The following NUP155 variants were observed in gnomAD, a reference collection of about 807,000 sequenced individuals.
NUP155 encodes the protein nucleoporin 155, also known as nuclear pore complex protein Nup155.
A neutral mutation model predicts 180.4 loss-of-function variants in NUP155; 71 were observed. The ratio of observed to expected loss-of-function variants is 0.39; its 90% CI spans 0.33 to 0.48. The LOEUF is 0.48. NUP155 is among the 20% of genes least tolerant of loss of function. The probability of loss-of-function intolerance (pLI) is 0.91; values close to 1 mark genes in which losing one functional copy is unlikely to be tolerated. For missense variants in NUP155, 1,553 were observed against 1,648.9 expected, an observed-to-expected ratio of 0.94 and a Z score of 1.01; for synonymous variants, 582 against 559.5, an observed-to-expected ratio of 1.04 and a Z score of -0.57.
At position 37,322,406 on chromosome 5, in the gene NUP155, G is replaced by A. The variant is rs1295040257; in HGVS notation, c.2207+1586C>T. Among the ~76,000 whole-genome samples, 3 of 152,220 alleles carry A rather than the reference G, an allele frequency of 2.0e-5. 1 individual carries two copies. Among genetic ancestry groups the A allele is most frequent in the South Asian group, 4.2e-4 (2 of 4,816 alleles). On this transcript the variant is annotated intron_variant, in intron 20 of 34. Transcript: ENST00000231498. Reference sequence around the variant, plus strand: ...ACAAAAAGTCCGTATTATATTAGAGGCTTAAAAATATCCATTCTTGGCTGG... The same window carrying A: ...ACAAAAAGTCCGTATTATATTAGAGACTTAAAAATATCCATTCTTGGCTGG...
Position 37,303,210 on chromosome 5 carries a change from A to C in NUP155, c.3317+50T>G, listed in dbSNP as rs939232984. The C allele has an allele frequency of 5.6e-6, 9 of 1,594,706 alleles. No individual in the cohort carries two copies. The African/African-American group carries it at 1.1e-4, about 19-fold the overall frequency. The stretch of plus-strand genomic sequence containing the variant: ...ATTAAAGAAAACTGAATGTAAGTAC[A>C]TATAGCTCAGTTTTGAATCATTCTT... On this transcript the variant is annotated intron_variant, in intron 28 of 34. Transcript: ENST00000231498.
At chr5:37,336,654 T>C (rs926928117) in intron 12 of NUP155, among the ~76,000 whole-genome samples, 8 of 152,146 alleles carry the variant, frequency 5.3e-5, no homozygotes, top group African/African-American at 9.7e-5. Flanking sequence ...TTATATCTTA[T>C]TAAGTTCTGA....
Position 37,342,638 on chromosome 5 carries a change from T to A in NUP155, c.1004A>T (p.Asp335Val). Reference sequence around the variant, plus strand: ...GACAATTGGTTTAAAAACAGAACGATCGATGGTCCTAAAAGAAAGGAGAAA... The same window carrying A: ...GACAATTGGTTTAAAAACAGAACGAACGATGGTCCTAAAAGAAAGGAGAAA... ...SAAGNIARTIDRSVFKPIVQI... is the reference protein window; with the variant it reads ...SAAGNIARTIVRSVFKPIVQI... The change falls in exon 10 of 35, where the codon GAT becomes GTT. Residue 335 changes from aspartate to valine, a missense_variant. Coordinates refer to ENST00000231498, the MANE Select transcript of NUP155 (RefSeq NM_153485.3). 6.2e-7 allele frequency: 1 copy of A among 1,601,310 alleles called. No individual in the cohort carries two copies. Among genetic ancestry groups the A allele is most frequent in the Non-Finnish European group, 8.6e-7 (1 of 1,168,526 alleles).
At chr5:37,294,169 T>C (rs1415053841) in intron 33 of NUP155, among the ~76,000 whole-genome samples, 160 bp downstream of exon 33, 2 of 152,100 alleles carry the variant, frequency 1.3e-5, no homozygotes, top group African/African-American at 4.8e-5. Flanking sequence ...CAACTCTCAT[T>C]ATCAGTTTAA....
chr5:37,367,047 C>CT (rs113667703), intron 1 of NUP155, among the ~76,000 whole-genome samples: 4,144 of 144,092 alleles, frequency 0.029, 151 homozygotes, highest in African/African-American at 0.088. Flanking sequence ...CTCTTTTTCT[C>CT]TTTTTTTTTT....
At chr5:37,345,565 A>G (rs975429309) in intron 9 of NUP155, among the ~76,000 whole-genome samples, 4 of 151,376 alleles carry the variant, frequency 2.6e-5, no homozygotes, top group Non-Finnish European at 4.4e-5. Flanking sequence ...CAAATGGCTC[A>G]TAAGACAGGC....
At chr5:37,368,098 G>C (rs1484909896) in intron 1 of NUP155, among the ~76,000 whole-genome samples, 1 of 151,822 alleles carries the variant, frequency 6.6e-6, no homozygotes, top group East Asian at 1.9e-4. Context: ...GTAGAGACAG[G>C]GTTTTGCCAT....
chr5:37,326,008 T>C (rs373536783), intron 18 of NUP155, 41 bp from the exon 19 acceptor site: 35 of 1,300,040 alleles, frequency 2.7e-5, no homozygotes, highest in Non-Finnish European at 5.5e-6. Flanking sequence ...TGTAAATGAA[T>C]AAAAACAATT....
rs530524699 is a variant in NUP155, at chr5:37,338,317, CAAA to C, written c.1247-402_1247-400del. Among the ~76,000 whole-genome samples the C allele has an allele frequency of 7.7e-5, 5 of 65,062 alleles. No homozygotes were observed. In the South Asian group the frequency reaches 2.1e-3, roughly 28 times the overall value. The allele number at this position is 65,062 out of a possible 152,430, so 42.7% of individuals were successfully genotyped here. A position where few individuals can be genotyped will look rare whatever the true frequency, so the allele number is the denominator to read the frequency against. On this transcript the variant is annotated intron_variant, in intron 11 of 34. Transcript: ENST00000231498. ...TGGGCGCCAGAGCAAGATTCCGTCT[CAAA>C]AAAAAAAAAAAAAAAAATTTTACAA...
intron 7 of NUP155, among the ~76,000 whole-genome samples, 199 bp downstream of exon 7, chr5:37,349,961 A>G (rs1241806682): frequency 1.3e-5 from 2 of 152,210 alleles, no homozygotes; most frequent in African/African-American, 2.4e-5. Flanking sequence ...TATAGGAAAT[A>G]AGTAAACTTG....
Position 37,349,055 on chromosome 5 carries a change from A to T in NUP155, c.903+117T>A, listed in dbSNP as rs1208322096. 25 of 340,546 alleles carry T rather than the reference A, an allele frequency of 7.3e-5. No individual in the cohort carries two copies. The East Asian group carries it at 1.5e-3, about 20-fold the overall frequency. The allele number at this position is 340,546 out of a possible 1,614,324, so 21.1% of individuals were successfully genotyped here. A position where few individuals can be genotyped will look rare whatever the true frequency, so the allele number is the denominator to read the frequency against. ...ACAGGCTTGAGCCACCATGCCCAGC[A>T]GGCTTTTTTTTTTTTTAGTTACACA... On this transcript the variant is annotated intron_variant, in intron 8 of 34. Coordinates refer to ENST00000231498, the MANE Select transcript of NUP155 (RefSeq NM_153485.3).
intron 32 of NUP155, among the ~76,000 whole-genome samples, chr5:37,294,676 CT>C (rs1285519415): frequency 2.0e-5 from 3 of 152,014 alleles, no homozygotes. Context: ...CCTTGAAATC[CT>C]GAGCTCAATC....
chr5:37,299,137 C>T (rs1408999824), intron 31 of NUP155, among the ~76,000 whole-genome samples, 159 bp from the exon 32 acceptor site: 1 of 152,184 alleles, frequency 6.6e-6, no homozygotes. Context: ...GTCTGAGATA[C>T]TCTCATGTCT....
In NUP155 at chr5:37,363,854, T is replaced by A. The variant is rs1747373898; in HGVS notation, c.392+34A>T. On this transcript the variant is annotated intron_variant, in intron 3 of 34. Coordinates refer to ENST00000231498, the MANE Select transcript of NUP155 (RefSeq NM_153485.3). Reference sequence around the variant, plus strand: ...ACAGTAAAGTTTATATAAATTCCAATCACCCTTAAAGCAAACCAGCCTTAA... The same window carrying A: ...ACAGTAAAGTTTATATAAATTCCAAACACCCTTAAAGCAAACCAGCCTTAA... The A allele has an allele frequency of 8.0e-6, 11 of 1,373,638 alleles. No individual in the cohort carries two copies. In the East Asian group the frequency reaches 2.5e-4, roughly 31 times the overall value. 85.1% of individuals were successfully genotyped at this position (1,373,638 alleles called of 1,614,324 possible).
intron 18 of NUP155, 118 bp downstream of exon 18, chr5:37,327,511 T>A: frequency 9.3e-7 from 1 of 1,071,270 alleles, no homozygotes; most frequent in Non-Finnish European, 1.4e-6. Flanking sequence ...GATCAACAAG[T>A]GAGCTAAAAC....
At chr5:37,361,483 G>C in intron 3 of NUP155, among the ~76,000 whole-genome samples, 1 of 152,024 alleles carries the variant, frequency 6.6e-6, no homozygotes, top group Admixed American at 6.6e-5. Flanking sequence ...ATCCACACAG[G>C]AACAAAATAG....
rs1189855568 is a variant in NUP155 at position 37,308,039 on chromosome 5, GA to G, written c.2768-608del. Among the ~76,000 whole-genome samples, 48 of 151,416 alleles carry G rather than the reference GA, an allele frequency of 3.2e-4. No individual in the cohort carries two copies. In the Middle Eastern group the frequency reaches 0.014, roughly 43 times the overall value. On this transcript the variant is annotated intron_variant, in intron 24 of 34. Transcript: ENST00000231498. ...GAAAGTTTTAGTTCCCTACTGGGGG[GA>G]AAAAAATACCTTGGGATTCAAAATA... is the stretch of plus-strand genomic sequence containing the variant.
At position 37,342,557 on chromosome 5, in the gene NUP155, G is replaced by A; in HGVS notation, c.1085C>T (p.Thr362Ile). ...TAAATAAAACAACATACCTGCATGT[G>A]TGACAGCCAATAACTGACAGTCCAG... ...ESLDCQLLAV[T>I]HAGVRLYFST... is the part of the protein sequence containing the mutation. The change falls in exon 10 of 35, where the codon ACA becomes ATA. Residue 362 changes from threonine to isoleucine, a missense_variant. Coordinates refer to ENST00000231498, the MANE Select transcript of NUP155 (RefSeq NM_153485.3). 6.2e-7 allele frequency: 1 copy of A among 1,603,548 alleles called. No individual in the cohort carries two copies. Among genetic ancestry groups the A allele is most frequent in the Non-Finnish European group, 8.5e-7 (1 of 1,170,484 alleles).
chr5:37,303,171 T>C, intron 28 of NUP155, 89 bp downstream of exon 28: 2 of 1,476,768 alleles, frequency 1.4e-6, no homozygotes, highest in Non-Finnish European at 9.3e-7. Context: ...TATTAAAACT[T>C]AGATTCTTCT....
Sources: allele counts gnomAD v4.1 joint callset (sites outside exome capture counted in the v4.1 genomes callset), GRCh38; gene constraint gnomAD v4.1.1; transcripts MANE v1.5; gene names NCBI Gene and HGNC (gene_info 2026-07-23, HGNC 2026-07-21).